HMGN5: variants seen among roughly 807,000 people sequenced by gnomAD.
HMGN5 encodes the protein high mobility group nucleosome binding domain 5, also known as high mobility group nucleosome-binding domain-containing protein 5.
A neutral mutation model predicts 9.5 loss-of-function variants in HMGN5; 4 were observed. The observed-to-expected ratio is 0.42, with a 90% CI of 0.21 to 0.96. The LOEUF (loss-of-function observed/expected upper bound fraction) is 0.96. Ranked by LOEUF, HMGN5 falls within the 40% of genes least tolerant of loss-of-function variation. The pLI, the probability that HMGN5 is intolerant of heterozygous loss-of-function variation, is 0.30. For missense variants in HMGN5, 192 were observed against 187.5 expected, an observed-to-expected ratio of 1.02 and a Z score of -0.14; for synonymous variants, 55 against 57.1, an observed-to-expected ratio of 0.96 and a Z score of 0.16.
At chrX:81,174,966 C>T (rs1024489404) in intron 1 of HMGN5, among the ~76,000 whole-genome samples, 35 of 111,150 alleles carry the variant, frequency 3.1e-4, no homozygotes, top group Admixed American at 2.4e-3. Flanking sequence ...TAGGGGGGAA[C>T]AACTTAGAAT....
intron 1 of HMGN5, among the ~76,000 whole-genome samples, chrX:81,179,932 GACAAAA>G (rs2075456426): frequency 9.0e-6 from 1 of 111,530 alleles, no homozygotes; most frequent in Non-Finnish European, 1.9e-5. Context: ...TGACAAACCT[GACAAAA>G]ACAAGAAATG....
rs570195983 is a variant in HMGN5, at chrX:81,160,167, TAGC to T, written c.-123-38498_-123-38496del. Among the ~76,000 whole-genome samples, 180 of 111,271 alleles carry T rather than the reference TAGC, an allele frequency of 1.6e-3. 3 individuals are homozygous for T. In the South Asian group the frequency reaches 0.029, roughly 18 times the overall value. ...CATATCAACCTTGATAAAGATATCTTAGCAGGTTTAGGATTTGTTGGGTGTTTC... is the reference window on the plus strand; with the variant it reads ...CATATCAACCTTGATAAAGATATCTTAGGTTTAGGATTTGTTGGGTGTTTC... On this transcript the variant is annotated intron_variant, in intron 1 of 6. Transcript: ENST00000358130.
chrX:81,167,453 T>TACACACAC (rs371953666), intron 1 of HMGN5, among the ~76,000 whole-genome samples: 1 of 102,923 alleles, frequency 9.7e-6, no homozygotes, highest in African/African-American at 3.5e-5. Context: ...CATATTTGTG[T>TACACACAC]ACACACACAC....
intron 1 of HMGN5, among the ~76,000 whole-genome samples, chrX:81,173,420 G>C (rs2075432256): frequency 9.0e-6 from 1 of 111,561 alleles, no homozygotes; most frequent in South Asian, 3.7e-4. Context: ...GGAGGGGTAG[G>C]AGGAGCCATG....
At chrX:81,200,823 T>C (rs185808521) in intron 1 of HMGN5, among the ~76,000 whole-genome samples, 2 of 111,422 alleles carry the variant, frequency 1.8e-5, no homozygotes, top group Non-Finnish European at 3.8e-5. Flanking sequence ...AACCTGCACG[T>C]TGTGCACATG....
chrX:81,140,012 A>G (rs770053615), intron 1 of HMGN5, among the ~76,000 whole-genome samples: 18 of 112,160 alleles, frequency 1.6e-4, no homozygotes, highest in Admixed American at 2.8e-4. Flanking sequence ...CACCAGCTGG[A>G]GCAGTCAAGG....
At chrX:81,173,393 G>C (rs182127369) in intron 1 of HMGN5, among the ~76,000 whole-genome samples, 50 of 111,394 alleles carry the variant, frequency 4.5e-4, no homozygotes, top group African/African-American at 1.6e-3. Context: ...CCACAATATT[G>C]AATAAAAGCA....
intron 1 of HMGN5, among the ~76,000 whole-genome samples, chrX:81,146,892 A>C (rs1287073803): frequency 2.7e-5 from 3 of 112,115 alleles, no homozygotes; most frequent in Non-Finnish European, 5.6e-5. Context: ...AAGCTAGGAA[A>C]TCTAGAAGAA....
intron 1 of HMGN5, among the ~76,000 whole-genome samples, chrX:81,140,609 A>G (rs754533001): frequency 1.9e-5 from 2 of 106,030 alleles, no homozygotes; most frequent in South Asian, 8.6e-4. Flanking sequence ...GTCAGCATTC[A>G]TTACCCACTA....
At chrX:81,144,309 G>A (rs1411831222) in intron 1 of HMGN5, among the ~76,000 whole-genome samples, 2 of 111,749 alleles carry the variant, frequency 1.8e-5, no homozygotes, top group Non-Finnish European at 3.8e-5. Flanking sequence ...GGAACAGGCA[G>A]CAATCTTTGC....
chrX:81,193,544 T>G (rs1054880412), intron 1 of HMGN5, among the ~76,000 whole-genome samples: 1 of 111,983 alleles, frequency 8.9e-6, no homozygotes, highest in African/African-American at 3.2e-5. Flanking sequence ...AATGGTTGCT[T>G]CATGCCACTA....
chrX:81,132,809 C>G (rs2075301326), intron 1 of HMGN5, among the ~76,000 whole-genome samples: 1 of 111,206 alleles, frequency 9.0e-6, no homozygotes, highest in African/African-American at 3.3e-5. Context: ...ACAAAGACAC[C>G]AAAAGCAATC....
rs1252430412 is a variant in HMGN5, at chrX:81,151,793, G to T, written c.-123-30121C>A. On this transcript the variant is annotated intron_variant, in intron 1 of 6. Coordinates refer to ENST00000358130, the MANE Select transcript of HMGN5 (RefSeq NM_030763.3). ...AGAATGCTTGTGATTTTTGTACATT[G>T]ATTTTATATCCTGAGACTTTGCTGA... Among the ~76,000 whole-genome samples, 10 of 110,443 alleles carry T rather than the reference G, an allele frequency of 9.1e-5. No individual in the cohort carries two copies. The East Asian group carries it at 2.8e-3, about 31-fold the overall frequency.
chrX:81,183,678 G>A (rs2075469253), intron 1 of HMGN5, among the ~76,000 whole-genome samples: 1 of 112,931 alleles, frequency 8.9e-6, no homozygotes, highest in Admixed American at 9.3e-5. Flanking sequence ...CCTCTGCTAG[G>A]GCAGCATGGA....
intron 1 of HMGN5, among the ~76,000 whole-genome samples, chrX:81,190,790 A>G (rs2075491992): frequency 9.0e-6 from 1 of 111,103 alleles, no homozygotes; most frequent in Non-Finnish European, 1.9e-5. Flanking sequence ...TTTTTTTTAC[A>G]TGCAGGTATC....
At chrX:81,148,290 C>T (rs1274654876) in intron 1 of HMGN5, among the ~76,000 whole-genome samples, 3 of 111,666 alleles carry the variant, frequency 2.7e-5, no homozygotes, top group Non-Finnish European at 5.6e-5. Flanking sequence ...GATATATAGA[C>T]CAATGGAACA....
chrX:81,116,137 G>T, intron 6 of HMGN5, 67 bp downstream of exon 6: 2 of 845,766 alleles, frequency 2.4e-6, no homozygotes, highest in Non-Finnish European at 3.4e-6. Context: ...AAGGCAAATA[G>T]GATTTCTTTC....
intron 1 of HMGN5, among the ~76,000 whole-genome samples, chrX:81,176,731 GA>G (rs1398209478): frequency 1.8e-5 from 2 of 110,678 alleles, no homozygotes; most frequent in Admixed American, 1.9e-4. Flanking sequence ...AGACAAAGAG[GA>G]AAAAGAGTAA....
At chrX:81,148,686 G>A (rs1248234502) in intron 1 of HMGN5, among the ~76,000 whole-genome samples, 7 of 111,478 alleles carry the variant, frequency 6.3e-5, no homozygotes, top group African/African-American at 2.3e-4. Flanking sequence ...CCATTAGAGC[G>A]AACAGGCAGC....
Sources: allele counts gnomAD v4.1 joint callset (sites outside exome capture counted in the v4.1 genomes callset), GRCh38; gene constraint gnomAD v4.1.1; transcripts MANE v1.5; gene names NCBI Gene and HGNC (gene_info 2026-07-23, HGNC 2026-07-21).